The following NGEF variants were observed in gnomAD, a reference collection of about 807,000 sequenced individuals.
The protein encoded by NGEF is ephexin-1.
In NGEF, 31 loss-of-function variants were observed where a neutral mutation model predicts 80.9. That is an observed-to-expected ratio of 0.38 (90% CI 0.29 to 0.52). The LOEUF is 0.52. Among genes scored for constraint, NGEF ranks in the 20% least tolerant of loss-of-function variants. The pLI is 0.84. For missense variants in NGEF, 709 were observed against 926.2 expected, an observed-to-expected ratio of 0.77 and a Z score of 3.04; for synonymous variants, 371 against 370.2, an observed-to-expected ratio of 1.00 and a Z score of -0.03.
intron 2 of NGEF, among the ~76,000 whole-genome samples, chr2:232,973,365 C>T (rs1310689644): frequency 2.0e-5 from 3 of 152,212 alleles, no homozygotes; most frequent in African/African-American, 7.2e-5. Context: ...GTGCTTGATA[C>T]ATGATTTTGT....
At chr2:232,923,904 A>G (rs1301622145) in intron 4 of NGEF, among the ~76,000 whole-genome samples, 2 of 152,110 alleles carry the variant, frequency 1.3e-5, no homozygotes, top group African/African-American at 4.8e-5. Context: ...ACATGAGGGC[A>G]CTGCCTCCGT....
intron 1 of NGEF, among the ~76,000 whole-genome samples, chr2:233,011,405 G>T (rs1695200001): frequency 6.6e-6 from 1 of 152,076 alleles, no homozygotes; most frequent in Non-Finnish European, 1.5e-5. Context: ...ACTTGGTGCT[G>T]GTGGCTCACC....
chr2:232,933,272 C>G (rs1356656565), intron 3 of NGEF, among the ~76,000 whole-genome samples: 1 of 152,088 alleles, frequency 6.6e-6, no homozygotes, highest in Non-Finnish European at 1.5e-5. Flanking sequence ...CAGTCCACAG[C>G]AGCCCCTAAA....
chr2:232,966,235 C>T (rs569744311), intron 3 of NGEF, among the ~76,000 whole-genome samples: 51 of 152,264 alleles, frequency 3.3e-4, no homozygotes, highest in Admixed American at 1.2e-3. Context: ...ACATGCCTCC[C>T]GGGAGGTCTC....
Position 232,930,373 on chromosome 2 carries a change from G to A in NGEF, c.384-3187C>T, listed in dbSNP as rs1288852157. ...CTCGCTCTGTTGCCCAGGCTGGAGT[G>A]CAATGGCGCGATCTCGGCTTACTGC... On this transcript the variant is annotated intron_variant, in intron 3 of 14. Coordinates refer to ENST00000264051, the MANE Select transcript of NGEF (RefSeq NM_019850.3). 1.0e-3 allele frequency among the ~76,000 whole-genome samples: 155 copies of A among 151,756 alleles called. 1 individual carries two copies. Among genetic ancestry groups the A allele is most frequent in the Non-Finnish European group, 1.8e-4 (12 of 67,924 alleles).
intron 4 of NGEF, among the ~76,000 whole-genome samples, chr2:232,924,674 G>T (rs1024334263): frequency 1.3e-5 from 2 of 152,204 alleles, no homozygotes. Context: ...AAAGCAGCCA[G>T]GTGACTGTTT....
chr2:232,882,076 C>T (rs542610502), intron 13 of NGEF, 110 bp downstream of exon 13: 203 of 990,176 alleles, frequency 2.1e-4, no homozygotes, highest in Non-Finnish European at 2.9e-4. Flanking sequence ...GCCTCTGAGA[C>T]CACCAGCTCA....
At position 232,991,985 on chromosome 2, in the gene NGEF, T is replaced by C. The variant is rs79211713; in HGVS notation, c.-74-17021A>G. 2.3e-3 allele frequency among the ~76,000 whole-genome samples: 351 copies of C among 152,318 alleles called. 4 individuals carry two copies. Among genetic ancestry groups the C allele is most frequent in the East Asian group, 0.021 (109 of 5,196 alleles). On this transcript the variant is annotated intron_variant, in intron 1 of 14. Coordinates refer to ENST00000264051, the MANE Select transcript of NGEF (RefSeq NM_019850.3). Reference sequence around the variant, plus strand: ...GACCATTCAATGAGAAAAGGATAGTTGCCTTCAACAAATAGTGCTGGGACA... The same window carrying C: ...GACCATTCAATGAGAAAAGGATAGTCGCCTTCAACAAATAGTGCTGGGACA...
intron 4 of NGEF, 129 bp downstream of exon 4, chr2:232,926,915 T>G: frequency 8.2e-7 from 1 of 1,222,026 alleles, no homozygotes; most frequent in Non-Finnish European, 1.2e-6. Context: ...TGTCAAAAGC[T>G]TTCCTTACCC....
intron 1 of NGEF, among the ~76,000 whole-genome samples, chr2:232,986,961 T>C (rs999169040): frequency 2.0e-5 from 3 of 152,176 alleles, no homozygotes; most frequent in Non-Finnish European, 4.4e-5. Context: ...GGGAAACATA[T>C]ACAGCAGGAA....
At chr2:233,012,906 C>A (rs1460086150) in intron 1 of NGEF, 162 bp downstream of exon 1, 1 of 471,010 alleles carries the variant, frequency 2.1e-6, no homozygotes, top group Middle Eastern at 3.3e-4. Flanking sequence ...CAGACAGGAT[C>A]CCTCGGGTGG....
intron 3 of NGEF, among the ~76,000 whole-genome samples, chr2:232,968,257 T>A (rs551923228): frequency 6.6e-6 from 1 of 151,512 alleles, no homozygotes; most frequent in African/African-American, 2.4e-5. Flanking sequence ...CCTGGCTAAT[T>A]TTGTATTTTT....
intron 3 of NGEF, among the ~76,000 whole-genome samples, chr2:232,932,631 T>C (rs1286579060): frequency 6.6e-6 from 1 of 152,164 alleles, no homozygotes; most frequent in East Asian, 1.9e-4. Flanking sequence ...AGTGCTGTAG[T>C]CTGGGGGCCT....
intron 4 of NGEF, among the ~76,000 whole-genome samples, chr2:232,925,406 G>A (rs1350029032): frequency 6.6e-6 from 1 of 152,208 alleles, no homozygotes; most frequent in East Asian, 1.9e-4. Context: ...GCCAGGAAAA[G>A]ACATTCACCA....
At chr2:232,905,541 G>C (rs1692484140) in intron 5 of NGEF, 1 of 284,934 alleles carries the variant, frequency 3.5e-6, no homozygotes, top group African/African-American at 2.4e-5. Context: ...GGGAAGTGAG[G>C]AGCGTCTCTG....
At chr2:232,954,472 T>C (rs1461139438) in intron 3 of NGEF, among the ~76,000 whole-genome samples, 1 of 152,102 alleles carries the variant, frequency 6.6e-6, no homozygotes, top group Non-Finnish European at 1.5e-5. Context: ...ACACCTGTAA[T>C]CCCAGCATTT....
intron 5 of NGEF, 43 bp downstream of exon 5, chr2:232,920,241 C>T: frequency 6.4e-7 from 1 of 1,574,780 alleles, no homozygotes. Flanking sequence ...GAGGGCCACC[C>T]CGGTGTGCTG....
intron 3 of NGEF, among the ~76,000 whole-genome samples, chr2:232,944,912 G>A (rs13425181): frequency 0.095 from 14,335 of 150,914 alleles, 868 homozygotes; most frequent in African/African-American, 0.17. Flanking sequence ...CCACCACACC[G>A]GCCTAATTTT....
At position 232,920,370 on chromosome 2, in the gene NGEF, T is replaced by G; in HGVS notation, c.742A>C (p.Arg248=). ...GGAAGATCCTGCCAGAGGTTGAACC[T>G]TGAGTGGGGGTTACTGAGCAGGCAG... ...QICLLSNPHS[R]FNLWQDLPEI... The change falls in exon 5 of 15, where the codon AGG becomes CGG. Residue 248 remains arginine (R), a synonymous_variant. Transcript: ENST00000264051. The G allele has an allele frequency of 1.2e-6, 2 of 1,614,106 alleles. No homozygotes were observed. Among genetic ancestry groups the G allele is most frequent in the Non-Finnish European group, 8.5e-7 (1 of 1,180,010 alleles).
Sources: gnomAD v4.1 joint callset for allele counts (sites outside exome capture counted in the v4.1 genomes callset) on GRCh38, gnomAD v4.1.1 for gene constraint, MANE v1.5 for transcripts, NCBI Gene and HGNC (gene_info 2026-07-23, HGNC 2026-07-21) for gene names.